Variants in GPR149 observed in about 807,000 individuals in gnomAD.
GPR149 encodes probable G protein-coupled receptor 149.
Under a neutral mutation model 50.2 loss-of-function variants are expected in GPR149, and 50 were observed. The observed-to-expected ratio is 1.00, with a 90% confidence interval of 0.79 to 1.26. The LOEUF (loss-of-function observed/expected upper bound fraction) is 1.26, where lower values mean the gene tolerates loss of function less well. Ranked by LOEUF, GPR149 falls within the 50% of genes most tolerant of loss-of-function variation. GPR149 has a pLI of 0.00. For missense variants in GPR149, 983 were observed against 895.4 expected (o/e 1.10, Z -1.25); for synonymous variants, 405 against 358.2 (o/e 1.13, Z -1.48).
chr3:154,430,150 A>C lies in GPR149; in HGVS notation c.-535T>G, dbSNP rs1275971844. Among the ~76,000 whole-genome samples, 1 of 151,810 alleles carries C rather than the reference A, an allele frequency of 6.6e-6. No homozygotes were observed. The highest frequency in any genetic ancestry group is 2.4e-5 in the African/African-American group (1 of 41,308). On this transcript the variant is annotated 5_prime_UTR_variant, in exon 1 of 4. Coordinates refer to ENST00000389740, the MANE Select transcript of GPR149 (RefSeq NM_001038705.3). ...GAGAGAGAGAGAGACAGAGAGAGAG[A>C]GAGAGAGGGCGAGCGCGAGCCAGTC... is the stretch of plus-strand genomic sequence containing the variant.
intron 3 of GPR149, among the ~76,000 whole-genome samples, chr3:154,387,577 A>T (rs868261102): frequency 6.6e-6 from 1 of 152,172 alleles, no homozygotes; most frequent in Non-Finnish European, 1.5e-5. Flanking sequence ...CAATTTTGGT[A>T]GAGTATGAGT....
At chr3:154,361,221 T>A (rs1714371618) in intron 3 of GPR149, among the ~76,000 whole-genome samples, 1 of 152,206 alleles carries the variant, frequency 6.6e-6, no homozygotes, top group South Asian at 2.1e-4. Flanking sequence ...AGAATGCTAA[T>A]GATGAAGTTA....
In GPR149 at chr3:154,427,537, C is replaced by A; in HGVS notation, c.1153G>T (p.Val385Leu). 6.2e-7 allele frequency: 1 copy of A among 1,612,720 alleles called. No homozygotes were observed. The highest frequency in any genetic ancestry group is 8.5e-7 in the Non-Finnish European group (1 of 1,179,500). The change falls in exon 2 of 4, where the codon GTG (valine) becomes TTG (leucine). Residue 385 changes from valine to leucine, a missense_variant. Physicochemically the swap from Val to Leu is conservative, Grantham distance 32 (BLOSUM62 1). Transcript: ENST00000389740. ...TTACTTTTTTTCCCATCGGACGCCA[C>A]TGCATATGCGTTCTGCCTGCAGTTG... ...IINCRQNAYAVASDGKKIKRK... is the reference protein window; with the variant it reads ...IINCRQNAYALASDGKKIKRK...
chr3:154,364,059 G>A (rs1714475666), intron 3 of GPR149, among the ~76,000 whole-genome samples: 1 of 152,182 alleles, frequency 6.6e-6, no homozygotes, highest in South Asian at 2.1e-4. Context: ...ATGGAACAAT[G>A]GGAGAGAAGA....
intron 2 of GPR149, among the ~76,000 whole-genome samples, chr3:154,425,666 C>A (rs546501648): frequency 3.2e-4 from 48 of 152,064 alleles, no homozygotes; most frequent in African/African-American, 1.1e-3. Context: ...TATTTCAAGT[C>A]TTTCTTTGGA....
intron 3 of GPR149, among the ~76,000 whole-genome samples, chr3:154,412,642 G>A (rs1711869583): frequency 6.6e-6 from 1 of 152,026 alleles, no homozygotes; most frequent in African/African-American, 2.4e-5. Flanking sequence ...ACTGCTGAAA[G>A]AGATCATAGA....
At position 154,346,824 on chromosome 3, in the gene GPR149, T is replaced by C. The variant is rs1292158493; in HGVS notation, c.1624-8553A>G. Among the ~76,000 whole-genome samples the C allele has an allele frequency of 2.0e-5, 3 of 152,274 alleles. No individual in the cohort carries two copies. The East Asian group carries it at 5.8e-4, about 29-fold the overall frequency. On this transcript the variant is annotated intron_variant, in intron 3 of 3. Coordinates refer to ENST00000389740, the MANE Select transcript of GPR149 (RefSeq NM_001038705.3). ...GTTGGCCAGGCTGGTCTTGAGCTCC[T>C]GACCTCAGGTAATCTGCTCGCCTTG... is the stretch of plus-strand genomic sequence containing the variant.
intron 3 of GPR149, among the ~76,000 whole-genome samples, chr3:154,419,721 G>C (rs1000824477): frequency 6.6e-6 from 1 of 151,884 alleles, no homozygotes; most frequent in Non-Finnish European, 1.5e-5. Flanking sequence ...ACATATATGC[G>C]CTTCATTATG....
intron 3 of GPR149, among the ~76,000 whole-genome samples, chr3:154,343,376 T>C (rs1283452136): frequency 6.6e-6 from 1 of 152,178 alleles, no homozygotes; most frequent in Non-Finnish European, 1.5e-5. Flanking sequence ...TCATGATTAC[T>C]CTTTTGATCA....
intron 3 of GPR149, 130 bp from the exon 4 acceptor site, chr3:154,338,401 A>G: frequency 1.3e-6 from 1 of 749,836 alleles, no homozygotes. Flanking sequence ...AACATTTTAC[A>G]GATACGGGAT....
chr3:154,349,435 G>A (rs568510657), intron 3 of GPR149, among the ~76,000 whole-genome samples: 80 of 152,218 alleles, frequency 5.3e-4, no homozygotes, highest in African/African-American at 1.9e-3. Context: ...TGCAGCCATC[G>A]AAAGTACCAT....
chr3:154,410,170 C>A (rs749364909), intron 3 of GPR149, among the ~76,000 whole-genome samples: 3 of 151,968 alleles, frequency 2.0e-5, no homozygotes, highest in Admixed American at 6.6e-5. Flanking sequence ...TTTTTTCAGA[C>A]AAACAAATGC....
chr3:154,418,671 G>C (rs947448389), intron 3 of GPR149, among the ~76,000 whole-genome samples: 15 of 127,380 alleles, frequency 1.2e-4, no homozygotes, highest in East Asian at 2.7e-4. Context: ...GTTGTGGGGT[G>C]GGGGGAGGGG....
Position 154,429,000 on chromosome 3 carries a change from C to G in GPR149, c.616G>C (p.Val206Leu), listed in dbSNP as rs536992900. The change falls in exon 1 of 4, where the codon GTG becomes CTG. Residue 206 changes from valine to leucine, a missense_variant. Val to Leu is a conservative substitution (Grantham distance 32). Coordinates refer to ENST00000389740, the MANE Select transcript of GPR149 (RefSeq NM_001038705.3). The stretch of plus-strand genomic sequence containing the variant: ...TGAGTGAGTGGGACTGAGAGGCCCA[C>G]GAGGAGTCCGAAGGCCAAAGCGTAC... ...IVYALAFGLLVGLSVPLTHRL... is the reference protein window; with the variant it reads ...IVYALAFGLLLGLSVPLTHRL... The G allele has an allele frequency of 2.3e-4, 369 of 1,614,004 alleles. 8 individuals carry two copies. In the South Asian group the frequency reaches 3.8e-3, roughly 17 times the overall value.
intron 3 of GPR149, chr3:154,354,834 A>G: frequency 2.5e-6 from 1 of 401,142 alleles, no homozygotes; most frequent in Non-Finnish European, 4.0e-6. Flanking sequence ...CACAGTGGCC[A>G]CAACTACCTG....
At chr3:154,383,939 G>A (rs891294168) in intron 3 of GPR149, among the ~76,000 whole-genome samples, 12 of 152,106 alleles carry the variant, frequency 7.9e-5, no homozygotes, top group African/African-American at 2.2e-4. Context: ...ACCAGACACC[G>A]ACTTTGCCAG....
intron 3 of GPR149, chr3:154,351,988 T>A: frequency 3.6e-6 from 1 of 275,392 alleles, no homozygotes; most frequent in East Asian, 6.7e-5. Flanking sequence ...TAGCTATTCT[T>A]GTGAAACACT....
At chr3:154,417,738 TG>T (rs1449280175) in intron 3 of GPR149, among the ~76,000 whole-genome samples, 1 of 152,034 alleles carries the variant, frequency 6.6e-6, no homozygotes, top group Non-Finnish European at 1.5e-5. Flanking sequence ...AAAACGGCAC[TG>T]GGAAGAAAAA....
rs1297247994 is a variant in GPR149 at position 154,336,924 on chromosome 3, G to T, written c.*775C>A. 1 of 151,596 alleles carries T rather than the reference G, an allele frequency of 6.6e-6. No homozygotes were observed. The allele number at this position is 151,596 out of a possible 1,614,324, so 9.4% of individuals were successfully genotyped here. ...CAAGTTAAAAAAAAAAACAATTTTAGGATAAAGTATACAATTACACAATTA... is the reference window on the plus strand; with the variant it reads ...CAAGTTAAAAAAAAAAACAATTTTATGATAAAGTATACAATTACACAATTA... On this transcript the variant is annotated 3_prime_UTR_variant, in exon 4 of 4. Coordinates refer to ENST00000389740, the MANE Select transcript of GPR149 (RefSeq NM_001038705.3).
Sources: allele counts gnomAD v4.1 joint callset (sites outside exome capture counted in the v4.1 genomes callset), GRCh38; gene constraint gnomAD v4.1.1; transcripts MANE v1.5; gene names NCBI Gene and HGNC (gene_info 2026-07-23, HGNC 2026-07-21).